Variants in MPP7 observed in about 807,000 individuals in gnomAD.
MPP7 encodes the protein MAGUK p55 scaffold protein 7.
Under a neutral mutation model 76.5 loss-of-function variants are expected in MPP7, and 60 were observed. That is an observed-to-expected ratio of 0.78 (90% confidence interval 0.64 to 0.97). MPP7 has a LOEUF of 0.97. MPP7 is among the 50% of genes least tolerant of loss of function. The probability of loss-of-function intolerance (pLI) is 0.00; values close to 1 mark genes in which losing one functional copy is unlikely to be tolerated. For synonymous variants in MPP7, 237 were observed against 244.5 expected, an observed-to-expected ratio of 0.97 and a Z score of 0.29; for missense variants, 641 against 694.0, an observed-to-expected ratio of 0.92 and a Z score of 0.86.
At chr10:28,312,729 A>G (rs1841296616) in intron 2 of MPP7, among the ~76,000 whole-genome samples, 1 of 152,250 alleles carries the variant, frequency 6.6e-6, no homozygotes, top group Admixed American at 6.5e-5. Context: ...AATTAAGCTC[A>G]GTCATCTTTG....
chr10:28,131,496 T>C (rs1564648214), intron 6 of MPP7, 64 bp downstream of exon 6: 2 of 1,401,832 alleles, frequency 1.4e-6, no homozygotes, highest in Non-Finnish European at 1.9e-6. Context: ...GAGTTATACA[T>C]GGTATGCACC....
chr10:28,140,953 C>T (rs1333411664), intron 5 of MPP7, among the ~76,000 whole-genome samples: 1 of 151,854 alleles, frequency 6.6e-6, no homozygotes, highest in Non-Finnish European at 1.5e-5. Flanking sequence ...TAAAACCTAA[C>T]CAGAAAGTAT....
At chr10:28,309,033 A>T (rs377743554) in intron 2 of MPP7, among the ~76,000 whole-genome samples, 1 of 152,214 alleles carries the variant, frequency 6.6e-6, no homozygotes, top group Non-Finnish European at 1.5e-5. Flanking sequence ...ACTTGACCCA[A>T]GGAAGCAGTC....
intron 1 of MPP7, among the ~76,000 whole-genome samples, chr10:28,292,561 A>G (rs1230046746): frequency 6.6e-6 from 1 of 152,132 alleles, no homozygotes; most frequent in Non-Finnish European, 1.5e-5. Context: ...AAAAAATACA[A>G]TTGCTAGACT....
chr10:28,214,689 T>C (rs1257553824), intron 2 of MPP7, among the ~76,000 whole-genome samples: 1 of 152,206 alleles, frequency 6.6e-6, no homozygotes, highest in Non-Finnish European at 1.5e-5. Flanking sequence ...CTTTAAGCTG[T>C]CCTTGTTTGT....
intron 2 of MPP7, among the ~76,000 whole-genome samples, chr10:28,211,460 T>C (rs111901732): frequency 5.8e-5 from 8 of 137,550 alleles, no homozygotes; most frequent in Non-Finnish European, 6.2e-5. Context: ...TATATATATA[T>C]ATAGAGAGAG....
chr10:28,095,220 T>TATATATATATAC (rs1853511037), intron 11 of MPP7, among the ~76,000 whole-genome samples: 1 of 125,480 alleles, frequency 8.0e-6, no homozygotes, highest in Non-Finnish European at 1.7e-5. Context: ...TATATATATA[T>TATATATATATAC]ATACAGAAAC....
intron 2 of MPP7, among the ~76,000 whole-genome samples, chr10:28,215,127 C>T (rs1233664664): frequency 6.6e-6 from 1 of 151,850 alleles, no homozygotes; most frequent in Non-Finnish European, 1.5e-5. Flanking sequence ...TCTCACTTCC[C>T]AAGCCCCTAC....
chr10:28,272,349 T>C (rs1055016876), intron 1 of MPP7, among the ~76,000 whole-genome samples: 14 of 152,352 alleles, frequency 9.2e-5, no homozygotes, highest in South Asian at 2.1e-4. Flanking sequence ...CATCAAGCTC[T>C]ACACTTAAAT....
intron 12 of MPP7, among the ~76,000 whole-genome samples, chr10:28,071,538 A>G (rs1852240456): frequency 1.3e-5 from 2 of 152,242 alleles, no homozygotes; most frequent in Admixed American, 1.3e-4. Flanking sequence ...TAAATATGCC[A>G]TAATACCCCA....
Position 28,056,627 on chromosome 10 carries a change from C to T in MPP7, c.1408-4G>A. The T allele has an allele frequency of 6.5e-7, 1 of 1,546,480 alleles. No individual in the cohort carries two copies. The highest frequency in any genetic ancestry group is 1.3e-5 in the South Asian group (1 of 79,836). The stretch of plus-strand genomic sequence containing the variant: ...GTGTCCTTAAATGCTTCACTGTCTA[C>T]AAGGAAGAAAAGAAAGTTTTCTCAC... On this transcript the variant is annotated splice_polypyrimidine_tract_variant and splice_region_variant and intron_variant, in intron 15 of 16. Transcript: ENST00000683449.
chr10:28,158,933 C>T (rs184626373), intron 3 of MPP7, among the ~76,000 whole-genome samples: 4 of 152,198 alleles, frequency 2.6e-5, no homozygotes, highest in East Asian at 1.9e-4. Context: ...AAAAGCAAAC[C>T]GATCCATCTT....
At chr10:28,331,461 A>G (rs775654760) in intron 1 of MPP7, among the ~76,000 whole-genome samples, 2 of 152,204 alleles carry the variant, frequency 1.3e-5, no homozygotes, top group Admixed American at 6.5e-5. Flanking sequence ...TTTAACCCTA[A>G]TTGTTGGTCT....
At chr10:28,247,567 G>A (rs1184795716) in intron 1 of MPP7, among the ~76,000 whole-genome samples, 1 of 152,100 alleles carries the variant, frequency 6.6e-6, no homozygotes, top group African/African-American at 2.4e-5. Context: ...TTTTCTCCAT[G>A]GTGGTCTATC....
chr10:28,303,660 GA>G (rs1213859072), upstream of MPP7, among the ~76,000 whole-genome samples: 10 of 151,418 alleles, frequency 6.6e-5, no homozygotes, highest in African/African-American at 1.5e-4. Flanking sequence ...TACATGATTA[GA>G]AAAAAAAATT....
intron 2 of MPP7, among the ~76,000 whole-genome samples, chr10:28,319,576 T>C (rs1270985388): frequency 6.6e-6 from 1 of 152,038 alleles, no homozygotes; most frequent in Admixed American, 6.6e-5. Context: ...AGAGAGATGA[T>C]ATATCTTCAG....
chr10:28,078,903 T>G (rs4747614), intron 12 of MPP7, among the ~76,000 whole-genome samples: 23,258 of 152,236 alleles, frequency 0.15, 2,334 homozygotes, highest in East Asian at 0.44. Context: ...TAATACAATT[T>G]CTATTTAAGA....
intron 12 of MPP7, among the ~76,000 whole-genome samples, chr10:28,074,537 T>G (rs907362621): frequency 1.3e-5 from 2 of 152,162 alleles, no homozygotes; most frequent in Non-Finnish European, 2.9e-5. Flanking sequence ...CCTCAAGTGA[T>G]CCACCCACCT....
chr10:28,055,192 T>C (rs1340109146), intron 16 of MPP7, among the ~76,000 whole-genome samples: 1 of 152,198 alleles, frequency 6.6e-6, no homozygotes, highest in African/African-American at 2.4e-5. Flanking sequence ...GCTGAAATAA[T>C]TTGAGTCTGC....
Sources: gnomAD v4.1 joint callset for allele counts (sites outside exome capture counted in the v4.1 genomes callset) on GRCh38, gnomAD v4.1.1 for gene constraint, MANE v1.5 for transcripts, NCBI Gene and HGNC (gene_info 2026-07-23, HGNC 2026-07-21) for gene names.